The following MYT1 variants were observed in gnomAD, a reference collection of about 807,000 sequenced individuals.
The protein encoded by MYT1 is myelin transcription factor I.
MYT1 carries 23 observed loss-of-function variants against 123.0 expected under a neutral mutation model. That is an observed-to-expected ratio of 0.19 (90% confidence interval 0.13 to 0.26). The LOEUF (loss-of-function observed/expected upper bound fraction) is 0.26. Among genes scored for constraint, MYT1 ranks in the 10% least tolerant of loss-of-function variants. The pLI, the probability that MYT1 is intolerant of heterozygous loss-of-function variation, is 1.00. For synonymous variants in MYT1, 518 were observed against 575.3 expected, an observed-to-expected ratio of 0.90 and a Z score of 1.43; for missense variants, 1,125 against 1,472.5, an observed-to-expected ratio of 0.76 and a Z score of 3.86.
chr20:64,198,610 C>T (rs113813438), intron 2 of MYT1, among the ~76,000 whole-genome samples: 1,594 of 152,316 alleles, frequency 0.01, 33 homozygotes, highest in African/African-American at 0.036. Flanking sequence ...CTGTACCCTC[C>T]TTGCCAAGGC....
chr20:64,240,811 G>A lies in MYT1; in HGVS notation c.*363G>A, dbSNP rs1984697114. Reference sequence around the variant, plus strand: ...GTATTCCTTTGTCTGTCGAGGCTGGGAGGGTAGCCGTGAGCGTGGTGGGTG... The same window carrying A: ...GTATTCCTTTGTCTGTCGAGGCTGGAAGGGTAGCCGTGAGCGTGGTGGGTG... On this transcript the variant is annotated 3_prime_UTR_variant, in exon 23 of 23. Coordinates refer to ENST00000328439, the MANE Select transcript of MYT1 (RefSeq NM_004535.3). 5.0e-6 allele frequency: 1 copy of A among 200,124 alleles called. No individual in the cohort carries two copies. The highest frequency in any genetic ancestry group is 2.3e-5 in the African/African-American group (1 of 43,062). The allele number at this position is 200,124 out of a possible 1,614,324, so 12.4% of individuals were successfully genotyped here.
rs145376547 is a variant in MYT1, at chr20:64,208,283, G to T, written c.1087G>T (p.Val363Phe). The T allele has an allele frequency of 9.0e-5, 146 of 1,614,056 alleles. No individual in the cohort carries two copies. Among genetic ancestry groups the T allele is most frequent in the Non-Finnish European group, 1.2e-4 (140 of 1,180,034 alleles). ...GGACACCCACTCCCGGAAGTCAACAGTCACTGACGAGTCGGAGATGCAGGA... is the reference window on the plus strand; with the variant it reads ...GGACACCCACTCCCGGAAGTCAACATTCACTGACGAGTCGGAGATGCAGGA... Reference protein sequence around the residue: ...DEDTHSRKSTVTDESEMQDMM... With the variant: ...DEDTHSRKSTFTDESEMQDMM... The change falls in exon 7 of 23, where the codon GTC becomes TTC. Residue 363 changes from valine to phenylalanine, a missense_variant. Val to Phe is a conservative substitution (Grantham distance 50, BLOSUM62 -1). Coordinates refer to ENST00000328439, the MANE Select transcript of MYT1 (RefSeq NM_004535.3). This position sits in a 1 kb window ranked among gnomAD's most constrained non-coding sequence, Gnocchi z 5.4.
chr20:64,223,009 G>T, intron 14 of MYT1, 102 bp from the exon 15 acceptor site: 1 of 1,347,006 alleles, frequency 7.4e-7, no homozygotes. Flanking sequence ...TTGGCTCGCG[G>T]GTGAGCCAGG....
chr20:64,237,569 G>C (rs983553580), intron 21 of MYT1, among the ~76,000 whole-genome samples, 179 bp downstream of exon 21: 2 of 152,270 alleles, frequency 1.3e-5, no homozygotes, highest in Non-Finnish European at 2.9e-5. Context: ...ACAATGCGGA[G>C]TCCGTGAAGT....
rs139069988 is a variant in MYT1 at position 64,207,888 on chromosome 20, G to A, written c.692G>A (p.Arg231His). The stretch of plus-strand genomic sequence containing the variant: ...GAGGTCGTCGAAGTCACCACCGAGC[G>A]CTCCCAGGACCTGTGTCCCCAGTCC... ...AEEVVEVTTE[R>H]SQDLCPQSLE... Residue 231 changes from arginine (R) to histidine (H), a missense_variant, in exon 7 of 23, where the codon CGC becomes CAC. By Grantham distance (29) the Arg-to-His change is conservative. Transcript: ENST00000328439. The A allele has an allele frequency of 3.8e-5, 61 of 1,612,938 alleles. No homozygotes were observed. The highest frequency in any genetic ancestry group is 5.4e-5 in the African/African-American group (4 of 74,672).
rs184422830 is a variant in MYT1, at chr20:64,231,127, G to A, written c.2676-1037G>A. On this transcript the variant is annotated intron_variant, in intron 18 of 22. Coordinates refer to ENST00000328439, the MANE Select transcript of MYT1 (RefSeq NM_004535.3). This position sits in a 1 kb window ranked among gnomAD's most constrained non-coding sequence, Gnocchi z 6.4. ...GCCCATGAATCTCCTCGTAAATGGA[G>A]CCATGGTGACCTCTCGGGGTCTTGT... Among the ~76,000 whole-genome samples, 34 of 152,130 alleles carry A rather than the reference G, an allele frequency of 2.2e-4. No homozygotes were observed. The highest frequency in any genetic ancestry group is 8.2e-4 in the African/African-American group (34 of 41,492).
chr20:64,238,602 A>T (rs1157926488), intron 21 of MYT1, among the ~76,000 whole-genome samples: 1 of 125,168 alleles, frequency 8.0e-6, no homozygotes, highest in Non-Finnish European at 1.7e-5. Context: ...GGCAGTGACG[A>T]CAGAGAAGGA....
rs1270682976 is a variant in MYT1 at position 64,242,193 on chromosome 20, A to G, written c.*1745A>G. 6.6e-6 allele frequency: 1 copy of G among 152,548 alleles called. No individual in the cohort carries two copies. The highest frequency in any genetic ancestry group is 1.5e-5 in the Non-Finnish European group (1 of 68,004). 9.4% of individuals were successfully genotyped at this position (152,548 alleles called of 1,614,324 possible). ...CTTCCTCAGGAAGCGCGTTGAACCC[A>G]CAGCACTCCGTGGTGTGTTTGCAGG... On this transcript the variant is annotated 3_prime_UTR_variant, in exon 23 of 23. Transcript: ENST00000328439.
rs111903523 is a variant in MYT1 at position 64,187,187 on chromosome 20, C to T, written c.-98-2876C>T. 8.3e-3 allele frequency among the ~76,000 whole-genome samples: 1,164 copies of T among 140,518 alleles called. 23 individuals carry two copies. Among genetic ancestry groups the T allele is most frequent in the African/African-American group, 0.03 (1,104 of 36,330 alleles). 92.2% of individuals were successfully genotyped at this position (140,518 alleles called of 152,430 possible). On this transcript the variant is annotated intron_variant, in intron 1 of 22. Coordinates refer to ENST00000328439, the MANE Select transcript of MYT1 (RefSeq NM_004535.3). ...CTGTAGCCCATGGCCCCGGCATCCACGTTTCCGTGGAGACTTTTCCTGTAG... is the reference window on the plus strand; with the variant it reads ...CTGTAGCCCATGGCCCCGGCATCCATGTTTCCGTGGAGACTTTTCCTGTAG...
At chr20:64,198,033 C>T (rs1983174508) in intron 2 of MYT1, among the ~76,000 whole-genome samples, 2 of 152,112 alleles carry the variant, frequency 1.3e-5, no homozygotes, top group African/African-American at 4.8e-5. Context: ...CGCCTGTAAT[C>T]CCAGCACTTT....
In MYT1 at chr20:64,190,761, G is replaced by T. The variant is rs1294217252; in HGVS notation, c.-1+601G>T. Among the ~76,000 whole-genome samples the T allele has an allele frequency of 6.8e-6, 1 of 147,808 alleles. No individual in the cohort carries two copies. The highest frequency in any genetic ancestry group is 1.5e-5 in the Non-Finnish European group (1 of 67,334). On this transcript the variant is annotated intron_variant, in intron 2 of 22. Transcript: ENST00000328439. The surrounding 1 kb of genome is among the most constrained non-coding windows in gnomAD (Gnocchi z 4.1). ...AGGCAGGTGGATCACTTGAGGTCAA[G>T]AGTTCAAGACCAGCCTGGCCAACAT... is the stretch of plus-strand genomic sequence containing the variant.
At chr20:64,220,118 C>T (rs1010671831) in intron 13 of MYT1, 136 bp downstream of exon 13, 23 of 1,381,350 alleles carry the variant, frequency 1.7e-5, no homozygotes, top group South Asian at 5.5e-5. Context: ...CATCCCTTTT[C>T]GTGAAGGGTC....
At chr20:64,216,253 A>T (rs550150386) in intron 10 of MYT1, among the ~76,000 whole-genome samples, 2 of 152,352 alleles carry the variant, frequency 1.3e-5, no homozygotes, top group African/African-American at 4.8e-5. Flanking sequence ...GCTGCTTGCC[A>T]GGATCTCCTC....
intron 1 of MYT1, among the ~76,000 whole-genome samples, chr20:64,169,014 CT>C (rs1213776427): frequency 1.3e-5 from 2 of 152,204 alleles, no homozygotes; most frequent in Non-Finnish European, 2.9e-5. Context: ...GGGTCCTCTT[CT>C]TTTTTTCCAT....
In MYT1 at chr20:64,203,957, G is replaced by T. The variant is rs991038334; in HGVS notation, c.87-1078G>T. Among the ~76,000 whole-genome samples, 2 of 152,236 alleles carry T rather than the reference G, an allele frequency of 1.3e-5. No individual in the cohort carries two copies. The highest frequency in any genetic ancestry group is 2.9e-5 in the Non-Finnish European group (2 of 68,038). On this transcript the variant is annotated intron_variant, in intron 4 of 22. Coordinates refer to ENST00000328439, the MANE Select transcript of MYT1 (RefSeq NM_004535.3). This position sits in a 1 kb window ranked among gnomAD's most constrained non-coding sequence, Gnocchi z 5.1. Reference sequence around the variant, plus strand: ...CAATGCCAGTCCTGTTAAAAGCAAGGTCTTCCCATCTTGGCCAGGAAAGCC... The same window carrying T: ...CAATGCCAGTCCTGTTAAAAGCAAGTTCTTCCCATCTTGGCCAGGAAAGCC...
intron 2 of MYT1, among the ~76,000 whole-genome samples, chr20:64,195,396 G>GTGTGTGTA (rs1250599696): frequency 3.0e-5 from 1 of 32,978 alleles, no homozygotes; most frequent in African/African-American, 9.0e-5. Context: ...GTGTGTGTGT[G>GTGTGTGTA]TATACTTTTT....
At chr20:64,170,676 T>G (rs1476202643) in intron 1 of MYT1, among the ~76,000 whole-genome samples, 1 of 150,952 alleles carries the variant, frequency 6.6e-6, no homozygotes, top group Non-Finnish European at 1.5e-5. Flanking sequence ...AGTGGTCTGA[T>G]TTTGTTTTGG....
chr20:64,208,540 CAG>C lies in MYT1; in HGVS notation c.1291+54_1291+55del. 1 of 1,526,956 alleles carries C rather than the reference CAG, an allele frequency of 6.5e-7. No individual in the cohort carries two copies. Among genetic ancestry groups the C allele is most frequent in the Non-Finnish European group, 8.8e-7 (1 of 1,136,898 alleles). 94.6% of individuals were successfully genotyped at this position (1,526,956 alleles called of 1,614,324 possible). On this transcript the variant is annotated intron_variant, in intron 7 of 22. Coordinates refer to ENST00000328439, the MANE Select transcript of MYT1 (RefSeq NM_004535.3). This position sits in a 1 kb window ranked among gnomAD's most constrained non-coding sequence, Gnocchi z 5.4. ...CAGACTCATCCTTTCACCCCTGCCCCAGGTGTGCAGATGCAGGCTGAGAGCCC... is the reference window on the plus strand; with the variant it reads ...CAGACTCATCCTTTCACCCCTGCCCCGTGTGCAGATGCAGGCTGAGAGCCC...
intron 19 of MYT1, among the ~76,000 whole-genome samples, chr20:64,235,543 G>A (rs1371809017): frequency 1.4e-5 from 2 of 144,680 alleles, no homozygotes; most frequent in Non-Finnish European, 3.0e-5. Context: ...CCCGGGGCTG[G>A]CCGTGGTATG....
Sources: allele counts gnomAD v4.1 joint callset (sites outside exome capture counted in the v4.1 genomes callset), GRCh38; gene constraint gnomAD v4.1.1; non-coding constraint Gnocchi (gnomAD v3.1); transcripts MANE v1.5; gene names NCBI Gene and HGNC (gene_info 2026-07-23, HGNC 2026-07-21).